The following TECPR2 variants were observed in gnomAD, a reference collection of about 807,000 sequenced individuals.
The protein encoded by TECPR2 is tectonin beta-propeller repeat-containing protein 2.
Under a neutral mutation model 138.1 loss-of-function variants are expected in TECPR2, and 65 were observed. That is an observed-to-expected ratio of 0.47 (90% CI 0.39 to 0.58). The LOEUF (loss-of-function observed/expected upper bound fraction) is 0.58, where lower values mean the gene tolerates loss of function less well. Ranked by LOEUF, TECPR2 falls within the 20% of genes least tolerant of loss-of-function variation. The pLI, the probability that TECPR2 is intolerant of heterozygous loss-of-function variation, is 0.00. For synonymous variants in TECPR2, 746 were observed against 749.8 expected, an observed-to-expected ratio of 0.99 and a Z score of 0.08; for missense variants, 1,553 against 1,824.5, an observed-to-expected ratio of 0.85 and a Z score of 2.71.
chr14:102,492,798 G>A (rs1891185339), intron 17 of TECPR2, among the ~76,000 whole-genome samples: 1 of 152,248 alleles, frequency 6.6e-6, no homozygotes, highest in Non-Finnish European at 1.5e-5. Context: ...GGCAAGGCCA[G>A]GGTGAGGCTG....
intron 5 of TECPR2, among the ~76,000 whole-genome samples, chr14:102,423,038 A>G (rs536467577): frequency 2.7e-4 from 41 of 152,344 alleles, no homozygotes; most frequent in African/African-American, 9.6e-4. Flanking sequence ...CTACAGTGTT[A>G]AGTACAGTCA....
At chr14:102,451,793 G>A (rs1323175172) in intron 15 of TECPR2, among the ~76,000 whole-genome samples, 1 of 152,180 alleles carries the variant, frequency 6.6e-6, no homozygotes, top group Admixed American at 6.5e-5. Context: ...AACAGAATCT[G>A]TTAAACCTAA....
intron 11 of TECPR2, among the ~76,000 whole-genome samples, chr14:102,441,761 A>G (rs961531306): frequency 1.3e-5 from 2 of 152,146 alleles, no homozygotes; most frequent in Non-Finnish European, 2.9e-5. Flanking sequence ...TTTTTAGCTG[A>G]TGGAAGGGCA....
rs141516730 is a variant in TECPR2, at chr14:102,488,586, C to T, written c.3790-8393C>T. Among the ~76,000 whole-genome samples the T allele has an allele frequency of 2.2e-3, 327 of 151,940 alleles. 2 individuals carry two copies. The highest frequency in any genetic ancestry group is 7.2e-3 in the African/African-American group (299 of 41,426). ...CTCAAACTCCCGACCTCAGGTGGTC[C>T]GCCTGCCTCAGCCTCCCGAAGTGCT... On this transcript the variant is annotated intron_variant, in intron 17 of 19. Coordinates refer to ENST00000359520, the MANE Select transcript of TECPR2 (RefSeq NM_014844.5).
At position 102,481,444 on chromosome 14, in the gene TECPR2, G is replaced by A. The variant is rs181447745; in HGVS notation, c.3790-15535G>A. 1.1e-3 allele frequency among the ~76,000 whole-genome samples: 166 copies of A among 152,240 alleles called. 1 individual carries two copies. Among genetic ancestry groups the A allele is most frequent in the Middle Eastern group, 3.4e-3 (1 of 292 alleles). ...GATTACAGATAGGAGCCACCACACC[G>A]AGCCTGGTTTTTATTTTTCATGAAA... On this transcript the variant is annotated intron_variant, in intron 17 of 19. Transcript: ENST00000359520.
intron 10 of TECPR2, among the ~76,000 whole-genome samples, chr14:102,438,856 T>C (rs907640345): frequency 1.3e-5 from 2 of 151,238 alleles, no homozygotes; most frequent in Non-Finnish European, 2.9e-5. Flanking sequence ...TTTTTCTTTC[T>C]TTCTTTCTTT....
intron 6 of TECPR2, among the ~76,000 whole-genome samples, chr14:102,427,933 G>A (rs1889366846): frequency 6.6e-6 from 1 of 152,208 alleles, no homozygotes; most frequent in Non-Finnish European, 1.5e-5. Context: ...AGAAGCACGT[G>A]CATTCACCAT....
intron 13 of TECPR2, among the ~76,000 whole-genome samples, chr14:102,446,630 A>T (rs1320945216): frequency 6.6e-6 from 1 of 151,936 alleles, no homozygotes; most frequent in Non-Finnish European, 1.5e-5. Context: ...GAGAGAGAGA[A>T]ATCCACCCTC....
At chr14:102,432,642 G>A (rs919368389) in intron 8 of TECPR2, among the ~76,000 whole-genome samples, 2 of 152,028 alleles carry the variant, frequency 1.3e-5, no homozygotes, top group African/African-American at 4.8e-5. Context: ...TGATCTGCCC[G>A]CCTCGGCCTC....
intron 16 of TECPR2, among the ~76,000 whole-genome samples, chr14:102,454,435 G>T (rs1445006263): frequency 6.6e-6 from 1 of 152,204 alleles, no homozygotes; most frequent in Non-Finnish European, 1.5e-5. Flanking sequence ...GGGGACTGAA[G>T]GTTTGTCCAG....
At chr14:102,389,664 T>C (rs1271357798) in intron 2 of TECPR2, among the ~76,000 whole-genome samples, 2 of 152,194 alleles carry the variant, frequency 1.3e-5, no homozygotes, top group African/African-American at 4.8e-5. Flanking sequence ...TCACTTCATA[T>C]GGTGGTTATT....
chr14:102,501,957 G>C lies in TECPR2; in HGVS notation c.*3700G>C, dbSNP rs1021663296. On this transcript the variant is annotated 3_prime_UTR_variant, in exon 20 of 20. Coordinates refer to ENST00000359520, the MANE Select transcript of TECPR2 (RefSeq NM_014844.5). ...GGAAGCCGGTCCGTACGTAGGCCTT[G>C]CATCTCGCCACCTCCACTTCTGTCC... 4 of 152,232 alleles carry C rather than the reference G, an allele frequency of 2.6e-5. No individual in the cohort carries two copies. Among genetic ancestry groups the C allele is most frequent in the African/African-American group, 9.7e-5 (4 of 41,444 alleles). The allele number at this position is 152,232 out of a possible 1,614,324, so 9.4% of individuals were successfully genotyped here. A position where few individuals can be genotyped will look rare whatever the true frequency, so the allele number is the denominator to read the frequency against.
At chr14:102,382,760 A>G (rs1289960997) in intron 2 of TECPR2, among the ~76,000 whole-genome samples, 1 of 151,866 alleles carries the variant, frequency 6.6e-6, no homozygotes, top group Non-Finnish European at 1.5e-5. Context: ...AAAGTTTGCA[A>G]ATCTTTTTTT....
intron 13 of TECPR2, among the ~76,000 whole-genome samples, chr14:102,449,332 A>G (rs1198460030): frequency 6.6e-6 from 1 of 152,268 alleles, no homozygotes; most frequent in African/African-American, 2.4e-5. Flanking sequence ...CACAAAAGTA[A>G]TACATGCTTG....
intron 2 of TECPR2, among the ~76,000 whole-genome samples, chr14:102,393,598 G>C (rs905900772): frequency 3.3e-5 from 5 of 152,014 alleles, no homozygotes; most frequent in African/African-American, 9.7e-5. Flanking sequence ...TCACTCTGTT[G>C]CCCAGACTGG....
Position 102,367,245 on chromosome 14 carries a change from G to A in TECPR2, c.-73+4129G>A, listed in dbSNP as rs143561182. The stretch of plus-strand genomic sequence containing the variant: ...CTGATATTTTCCTTTGTTTTTTGGG[G>A]GGTAACAGCTTTATTGAGATATAAT... On this transcript the variant is annotated intron_variant, in intron 1 of 19. Transcript: ENST00000359520. Among the ~76,000 whole-genome samples the A allele has an allele frequency of 5.9e-5, 9 of 152,134 alleles. No homozygotes were observed. The East Asian group carries it at 1.7e-3, about 29-fold the overall frequency.
At chr14:102,403,231 A>G (rs575498189) in intron 2 of TECPR2, among the ~76,000 whole-genome samples, 3 of 152,336 alleles carry the variant, frequency 2.0e-5, no homozygotes, top group South Asian at 4.1e-4. Flanking sequence ...ATGGTTCAAC[A>G]TATGAAAGTC....
intron 16 of TECPR2, among the ~76,000 whole-genome samples, chr14:102,463,442 A>G (rs1567353068): frequency 1.3e-5 from 2 of 150,508 alleles, no homozygotes; most frequent in South Asian, 2.1e-4. Flanking sequence ...AAAAAAAAGA[A>G]AAAAACAAAA....
At chr14:102,418,760 C>T (rs1180448896) in intron 5 of TECPR2, among the ~76,000 whole-genome samples, 2 of 152,084 alleles carry the variant, frequency 1.3e-5, no homozygotes, top group Admixed American at 6.5e-5. Context: ...CTGGGTGATC[C>T]GGGTAGGAGA....
Sources: gnomAD v4.1 joint callset for allele counts (sites outside exome capture counted in the v4.1 genomes callset) on GRCh38, gnomAD v4.1.1 for gene constraint, MANE v1.5 for transcripts, NCBI Gene and HGNC (gene_info 2026-07-23, HGNC 2026-07-21) for gene names.